The following FCER2 variants were observed in gnomAD, a reference collection of about 807,000 sequenced individuals.
FCER2 encodes the protein low affinity immunoglobulin epsilon Fc receptor.
In FCER2, 38 loss-of-function variants were observed where a neutral mutation model predicts 49.7. The observed-to-expected ratio is 0.76, with a 90% CI of 0.59 to 1.00. The LOEUF (loss-of-function observed/expected upper bound fraction) is 1.00, where lower values mean the gene tolerates loss of function less well. Ranked by LOEUF, FCER2 falls within the 50% of genes least tolerant of loss-of-function variation. The pLI, the probability that FCER2 is intolerant of heterozygous loss-of-function variation, is 0.00. For synonymous variants in FCER2, 163 were observed against 164.6 expected (o/e 0.99, Z 0.07); for missense variants, 425 against 419.5 (o/e 1.01, Z -0.11).
rs775882255 is a variant in FCER2, at chr19:7,698,745, C to T, written c.132G>A (p.Leu44=). The T allele has an allele frequency of 2.5e-6, 4 of 1,612,414 alleles. No homozygotes were observed. Among genetic ancestry groups the T allele is most frequent in the Middle Eastern group, 1.7e-4 (1 of 5,972 alleles). ...TGGAGCTGGGGGTGTCCTCACGCCACAGGAGAAGCAGAGTCAGCAGCCCAG... is the reference window on the plus strand; with the variant it reads ...TGGAGCTGGGGGTGTCCTCACGCCATAGGAGAAGCAGAGTCAGCAGCCCAG... ...LWAGLLTLLL[L]WHWDTTQSLK... Residue 44 remains leucine, a synonymous_variant, in exon 3 of 11, where the codon CTG becomes CTA. Coordinates refer to ENST00000597921, the MANE Select transcript of FCER2 (RefSeq NM_001220500.2).
rs867120374 is a variant in FCER2, at chr19:7,699,911, T to C, written c.-85-66A>G. On this transcript the variant is annotated intron_variant, in intron 1 of 10. Transcript: ENST00000597921. ...TCCTAGTTACCAGCACAGGATAGCA[T>C]CTGGGACTTGGTGGCACTCAGGGGC... 1.8e-4 allele frequency: 131 copies of C among 745,554 alleles called. No homozygotes were observed. The African/African-American group carries it at 2.0e-3, about 12-fold the overall frequency. 46.2% of individuals were successfully genotyped at this position (745,554 alleles called of 1,614,324 possible). A position where few individuals can be genotyped will look rare whatever the true frequency, so the allele number is the denominator to read the frequency against.
intron 1 of FCER2, among the ~76,000 whole-genome samples, chr19:7,700,913 C>T (rs1213438201): frequency 1.3e-5 from 2 of 152,098 alleles, no homozygotes; most frequent in Middle Eastern, 3.2e-3. Flanking sequence ...CGGGTTCAAG[C>T]GATTCTCCTG....
intron 1 of FCER2, among the ~76,000 whole-genome samples, chr19:7,701,694 G>T (rs914248107): frequency 6.6e-6 from 1 of 152,034 alleles, no homozygotes; most frequent in Non-Finnish European, 1.5e-5. Flanking sequence ...ACTCCAGGCC[G>T]TCCTTCTAAC....
At chr19:7,698,696 G>A (rs1425540697) in intron 3 of FCER2, 45 bp downstream of exon 3, 3 of 1,597,408 alleles carry the variant, frequency 1.9e-6, no homozygotes, top group Admixed American at 1.7e-5. Flanking sequence ...ACACAGAAGG[G>A]CCCCATGAGT....
chr19:7,692,630 ACCATCG>A (rs145556616), intron 8 of FCER2, among the ~76,000 whole-genome samples: 50,119 of 149,584 alleles, frequency 0.34, 9,247 homozygotes, highest in African/African-American at 0.49. Context: ...AGTCACTAAC[ACCATCG>A]CCATCAGCAC....
intron 8 of FCER2, among the ~76,000 whole-genome samples, chr19:7,691,434 C>T (rs931211676): frequency 3.2e-5 from 4 of 126,304 alleles, no homozygotes; most frequent in African/African-American, 1.1e-4. Context: ...CCAACACCAT[C>T]GCCATCGACA....
rs779315614 is a variant in FCER2 at position 7,697,290 on chromosome 19, T to C, written c.262A>G (p.Ile88Val). 15 of 1,614,054 alleles carry C rather than the reference T, an allele frequency of 9.3e-6. No individual in the cohort carries two copies. The highest frequency in any genetic ancestry group is 1.3e-5 in the Non-Finnish European group (15 of 1,180,024). The change falls in exon 6 of 11, where the codon ATT becomes GTT. Residue 88 changes from isoleucine to valine, a missense_variant. By Grantham distance (29) the Ile-to-Val change is conservative (BLOSUM62 3). Transcript: ENST00000597921. ...CGAAGTTCCTCCAGTTCCTGTGAAA[T>C]CTGCGTGGCTGTTTGCAGGGGAGGG... ...QMAQKSQSTQ[I>V]SQELEELRAE...
chr19:7,699,262 T>C, intron 2 of FCER2: 1 of 573,164 alleles, frequency 1.7e-6, no homozygotes, highest in Non-Finnish European at 2.9e-6. Context: ...TCGGAGCCAC[T>C]CCCCAGCCAC....
chr19:7,699,170 C>T (rs919426197), intron 2 of FCER2, among the ~76,000 whole-genome samples: 1 of 152,012 alleles, frequency 6.6e-6, no homozygotes, highest in Non-Finnish European at 1.5e-5. Flanking sequence ...CCCCAACGCC[C>T]ACCCTTACAC....
intron 2 of FCER2, chr19:7,699,226 C>A (rs368821532): frequency 2.2e-6 from 1 of 451,172 alleles, no homozygotes. Context: ...AAACCCAGGA[C>A]ACTGAGTCCC....
At position 7,697,413 on chromosome 19, in the gene FCER2, C is replaced by T. The variant is rs1345291794; in HGVS notation, c.253+114G>A. On this transcript the variant is annotated intron_variant, in intron 5 of 10. Coordinates refer to ENST00000597921, the MANE Select transcript of FCER2 (RefSeq NM_001220500.2). ...TTCTTGGAACCACCTGCTCAGTTTG[C>T]AGTTCCCGGGTGTCGGGGGTGGGGC... 4.1e-6 allele frequency: 6 copies of T among 1,467,292 alleles called. No homozygotes were observed. In the African/African-American group the frequency reaches 7.0e-5, roughly 17 times the overall value. 90.9% of individuals were successfully genotyped at this position (1,467,292 alleles called of 1,614,324 possible). A position where few individuals can be genotyped will look rare whatever the true frequency, so the allele number is the denominator to read the frequency against.
intron 8 of FCER2, among the ~76,000 whole-genome samples, chr19:7,693,667 GAGACAGA>G (rs2032940850): frequency 6.6e-6 from 1 of 152,006 alleles, no homozygotes; most frequent in Non-Finnish European, 1.5e-5. Flanking sequence ...GTTTTGTTTT[GAGACAGA>G]GTCTTGCTCT....
At chr19:7,695,434 GA>G (rs1275528007) in intron 8 of FCER2, among the ~76,000 whole-genome samples, 2 of 151,982 alleles carry the variant, frequency 1.3e-5, no homozygotes, top group East Asian at 1.9e-4. Context: ...CGCAGAAGAG[GA>G]AAAAAATTGT....
chr19:7,692,895 A>C (rs2032920631), intron 8 of FCER2, among the ~76,000 whole-genome samples: 1 of 151,966 alleles, frequency 6.6e-6, no homozygotes, highest in Non-Finnish European at 1.5e-5. Context: ...TTCAACCACC[A>C]TCATCACCAC....
rs926135229 is a variant in FCER2 at position 7,698,387 on chromosome 19, T to C, written c.159A>G (p.Leu53=). The C allele has an allele frequency of 6.2e-7, 1 of 1,612,748 alleles. No homozygotes were observed. Among genetic ancestry groups the C allele is most frequent in the African/African-American group, 1.3e-5 (1 of 74,874 alleles). Residue 53 remains leucine, a synonymous_variant, in exon 4 of 11, where the codon CTA becomes CTG. Transcript: ENST00000597921. ...GGGCAGCCCTCTCTTCCAGCTGTTT[T>C]AGACTCTGTGTGGTGTCCCAGTCTG... ...LLWHWDTTQS[L]KQLEERAARN...
Position 7,688,957 on chromosome 19 carries a change from T to G in FCER2, c.*236A>C. On this transcript the variant is annotated 3_prime_UTR_variant, in exon 11 of 11. Coordinates refer to ENST00000597921, the MANE Select transcript of FCER2 (RefSeq NM_001220500.2). ...GGGGTGTACTCTCATCTGGAGAGGGTGCTGTTGGGGTGTACTCTCATCTGG... is the reference window on the plus strand; with the variant it reads ...GGGGTGTACTCTCATCTGGAGAGGGGGCTGTTGGGGTGTACTCTCATCTGG... 1.8e-6 allele frequency: 1 copy of G among 547,292 alleles called. No individual in the cohort carries two copies. Among genetic ancestry groups the G allele is most frequent in the Non-Finnish European group, 3.3e-6 (1 of 305,452 alleles). 33.9% of individuals were successfully genotyped at this position (547,292 alleles called of 1,614,324 possible).
At chr19:7,698,886 C>T in intron 2 of FCER2, 32 bp from the exon 3 acceptor site, 3 of 1,553,146 alleles carry the variant, frequency 1.9e-6, no homozygotes, top group Non-Finnish European at 2.6e-6. Context: ...ACTATGGGTG[C>T]AGGGTGAAGC....
Position 7,690,181 on chromosome 19 carries a change from C to A in FCER2, c.706G>T (p.Asp236Tyr), listed in dbSNP as rs1170600562. 6.2e-7 allele frequency: 1 copy of A among 1,613,094 alleles called. No homozygotes were observed. The highest frequency in any genetic ancestry group is 8.5e-7 in the Non-Finnish European group (1 of 1,179,056). The stretch of plus-strand genomic sequence containing the variant: ...CACCTGTAGTCCACGTGGCTCCCAT[C>A]CACCCAGATAAACTCCCCCTTCAGG... Reference protein sequence around the residue: ...LDLKGEFIWVDGSHVDYSNWA... With the variant: ...LDLKGEFIWVYGSHVDYSNWA... The change falls in exon 10 of 11, where the codon GAT becomes TAT. Residue 236 changes from aspartate to tyrosine, a missense_variant. By Grantham distance (160) the Asp-to-Tyr change is radical. Coordinates refer to ENST00000597921, the MANE Select transcript of FCER2 (RefSeq NM_001220500.2).
Position 7,696,928 on chromosome 19 carries a change from C to A in FCER2, c.380-14G>T, listed in dbSNP as rs769046415. 3 of 1,570,000 alleles carry A rather than the reference C, an allele frequency of 1.9e-6. No individual in the cohort carries two copies. Among genetic ancestry groups the A allele is most frequent in the Non-Finnish European group, 2.6e-6 (3 of 1,156,450 alleles). On this transcript the variant is annotated splice_polypyrimidine_tract_variant and intron_variant, in intron 7 of 10. Coordinates refer to ENST00000597921, the MANE Select transcript of FCER2 (RefSeq NM_001220500.2). ...TCTCGTTCAATTCTTGGGGAGTCAA[C>A]AAGGGGCGGTGCTCAGAGACCAACT... is the stretch of plus-strand genomic sequence containing the variant.
Sources: gnomAD v4.1 joint callset for allele counts (sites outside exome capture counted in the v4.1 genomes callset) on GRCh38, gnomAD v4.1.1 for gene constraint, MANE v1.5 for transcripts, NCBI Gene and HGNC (gene_info 2026-07-23, HGNC 2026-07-21) for gene names.